The following TNRC6A variants were observed in gnomAD, a reference collection of about 807,000 sequenced individuals.
The protein encoded by TNRC6A is trinucleotide repeat-containing gene 6A protein.
Under a neutral mutation model 221.2 loss-of-function variants are expected in TNRC6A, and 44 were observed. The ratio of observed to expected loss-of-function variants is 0.20; its 90% confidence interval spans 0.16 to 0.26. The LOEUF (loss-of-function observed/expected upper bound fraction) is 0.26, where lower values mean the gene tolerates loss of function less well. Ranked by LOEUF, TNRC6A falls within the 10% of genes least tolerant of loss-of-function variation. The probability of loss-of-function intolerance (pLI) is 1.00; values close to 1 mark genes in which losing one functional copy is unlikely to be tolerated. For synonymous variants in TNRC6A, 847 were observed against 838.5 expected, an observed-to-expected ratio of 1.01 and a Z score of -0.18; for missense variants, 2,199 against 2,404.4, an observed-to-expected ratio of 0.91 and a Z score of 1.79.
At chr16:24,702,830 T>C (rs1297161812) in intron 2 of TNRC6A, among the ~76,000 whole-genome samples, 1 of 151,766 alleles carries the variant, frequency 6.6e-6, no homozygotes, top group East Asian at 1.9e-4. Flanking sequence ...GGTCAGGAGA[T>C]CGAGACCATC....
In TNRC6A at chr16:24,791,692, A is replaced by G. The variant is rs1289348762; in HGVS notation, c.3050A>G (p.Lys1017Arg). ...GGAGATCCAAGCAAATACAACTACA[A>G]AAATGTGAACATGTGGAACAAAAAC... ...AWGDPSKYNYKNVNMWNKNVP... is the reference protein window; with the variant it reads ...AWGDPSKYNYRNVNMWNKNVP... Residue 1017 changes from lysine to arginine, a missense_variant, in exon 6 of 25, where the codon AAA (lysine) becomes AGA (arginine). By Grantham distance (26) the Lys-to-Arg change is conservative (BLOSUM62 2). This residue lies in a region of TNRC6A where 1,405 missense variants were observed against 1,400.2 expected (regional missense o/e 1.00). Transcript: ENST00000395799. The G allele has an allele frequency of 1.2e-6, 2 of 1,613,966 alleles. No homozygotes were observed. The highest frequency in any genetic ancestry group is 1.7e-6 in the Non-Finnish European group (2 of 1,179,946).
intron 6 of TNRC6A, among the ~76,000 whole-genome samples, chr16:24,792,880 C>T (rs2058140090): frequency 6.6e-6 from 1 of 151,286 alleles, no homozygotes; most frequent in South Asian, 2.1e-4. Flanking sequence ...CCTCCACCTC[C>T]CAGGTTCAAG....
At chr16:24,645,766 G>A (rs551440949) in intron 2 of TNRC6A, among the ~76,000 whole-genome samples, 48 of 144,932 alleles carry the variant, frequency 3.3e-4, no homozygotes, top group Admixed American at 6.5e-4. Flanking sequence ...GGAGGCCGAG[G>A]TGGGGAAGAT....
At chr16:24,802,177 G>A (rs1470989655) in intron 11 of TNRC6A, among the ~76,000 whole-genome samples, 1 of 152,208 alleles carries the variant, frequency 6.6e-6, no homozygotes, top group African/African-American at 2.4e-5. Context: ...AACAGCAGTT[G>A]CAAAGAAATG....
intron 2 of TNRC6A, among the ~76,000 whole-genome samples, chr16:24,672,672 G>A (rs1235851032): frequency 6.6e-6 from 1 of 151,754 alleles, no homozygotes; most frequent in Non-Finnish European, 1.5e-5. Flanking sequence ...TCCAACTCCT[G>A]GGCTCAAGTG....
intron 2 of TNRC6A, among the ~76,000 whole-genome samples, chr16:24,649,816 CTTTTTTTTTTTTTT>C (rs35308503): frequency 3.8e-5 from 3 of 78,894 alleles, no homozygotes; most frequent in African/African-American, 1.8e-4. Context: ...CTCTCTCTCT[CTTTTTTTTTTTTTT>C]TTTTTTTTTT....
At chr16:24,637,031 T>C (rs1901671077) in intron 1 of TNRC6A, among the ~76,000 whole-genome samples, 1 of 151,998 alleles carries the variant, frequency 6.6e-6, no homozygotes. Flanking sequence ...TTTTTTTTGT[T>C]TGTTTTTCTT....
At chr16:24,793,946 CA>C (rs2058165428) in intron 7 of TNRC6A, among the ~76,000 whole-genome samples, 1 of 152,174 alleles carries the variant, frequency 6.6e-6, no homozygotes, top group African/African-American at 2.4e-5. Context: ...TAGCAACTTT[CA>C]TGCCATCCAG....
chr16:24,806,811 G>A (rs200481525), intron 17 of TNRC6A, 27 bp downstream of exon 17: 4 of 1,608,414 alleles, frequency 2.5e-6, no homozygotes, highest in Admixed American at 3.3e-5. Context: ...CCCAAGTATT[G>A]GACTGATGCT....
intron 2 of TNRC6A, among the ~76,000 whole-genome samples, chr16:24,746,052 A>G (rs2057003397): frequency 6.6e-6 from 1 of 151,782 alleles, no homozygotes. Flanking sequence ...TTGTGCCCAC[A>G]CCTTTCTGTG....
In TNRC6A at chr16:24,781,043, CTTTTTTTTTTT is replaced by C. The variant is rs35502747; in HGVS notation, c.589+3700_589+3710del. Reference sequence around the variant, plus strand: ...AAAAATTTTCTTAAGCCTCCATACTCTTTTTTTTTTTTTTTTTTTTTTTTTGGAGGAGACAG... The same window carrying C: ...AAAAATTTTCTTAAGCCTCCATACTCTTTTTTTTTTTTTTGGAGGAGACAG... On this transcript the variant is annotated intron_variant, in intron 5 of 24. Transcript: ENST00000395799. Among the ~76,000 whole-genome samples, 48 of 53,436 alleles carry C rather than the reference CTTTTTTTTTTT, an allele frequency of 9.0e-4. 1 individual carries two copies. Among genetic ancestry groups the C allele is most frequent in the South Asian group, 4.6e-3 (5 of 1,082 alleles). 35.1% of individuals were successfully genotyped at this position (53,436 alleles called of 152,430 possible).
chr16:24,814,409 C>CTTTCT (rs1555510325), intron 18 of TNRC6A, among the ~76,000 whole-genome samples: 11 of 116,766 alleles, frequency 9.4e-5, no homozygotes, highest in Non-Finnish European at 1.4e-4. Flanking sequence ...TTTTTTTTTT[C>CTTTCT]TTTTTTTTTT....
chr16:24,717,771 T>TC (rs1567384151), intron 2 of TNRC6A, among the ~76,000 whole-genome samples: 2 of 60,554 alleles, frequency 3.3e-5, no homozygotes, highest in Non-Finnish European at 9.6e-5. Flanking sequence ...TTTTTTTTTC[T>TC]TTTTTTTTTT....
chr16:24,715,392 C>T (rs1188958915), intron 2 of TNRC6A, among the ~76,000 whole-genome samples: 1 of 151,800 alleles, frequency 6.6e-6, no homozygotes, highest in Non-Finnish European at 1.5e-5. Context: ...CCTTTTAAGC[C>T]TTGTTGGGCA....
rs1453894137 is a variant in TNRC6A at position 24,825,801 on chromosome 16, C to T, written c.*1994C>T. ...GACTTGACAGTGTACTAGTGTTAAACTCTCATACCTCTGTTACAAAGCGAG... is the reference window on the plus strand; with the variant it reads ...GACTTGACAGTGTACTAGTGTTAAATTCTCATACCTCTGTTACAAAGCGAG... On this transcript the variant is annotated 3_prime_UTR_variant, in exon 25 of 25. Transcript: ENST00000395799. The T allele has an allele frequency of 1.3e-5, 2 of 152,570 alleles. No individual in the cohort carries two copies. Among genetic ancestry groups the T allele is most frequent in the African/African-American group, 4.8e-5 (2 of 41,412 alleles). The allele number at this position is 152,570 out of a possible 1,614,324, so 9.5% of individuals were successfully genotyped here.
intron 2 of TNRC6A, among the ~76,000 whole-genome samples, chr16:24,642,011 G>T (rs1057021783): frequency 2.0e-5 from 3 of 152,188 alleles, no homozygotes; most frequent in East Asian, 1.9e-4. Context: ...TGATAGGTTG[G>T]GTTTGACTGG....
Position 24,729,703 on chromosome 16 carries a change from C to G in TNRC6A, c.-139C>G. The G allele has an allele frequency of 9.6e-7, 1 of 1,041,492 alleles. No homozygotes were observed. Among genetic ancestry groups the G allele is most frequent in the South Asian group, 3.2e-5 (1 of 31,712 alleles). 64.5% of individuals were successfully genotyped at this position (1,041,492 alleles called of 1,614,324 possible). Reference sequence around the variant, plus strand: ...GCGGTGTCGGCGGCGGCGGCGGCGGCGGCGGCGGCGGCGGCAGCGGGTCGG... The same window carrying G: ...GCGGTGTCGGCGGCGGCGGCGGCGGGGGCGGCGGCGGCGGCAGCGGGTCGG... On this transcript the variant is annotated 5_prime_UTR_variant, in exon 1 of 25. Coordinates refer to ENST00000395799, the MANE Select transcript of TNRC6A (RefSeq NM_014494.4).
At chr16:24,745,467 A>G (rs774460521) in intron 2 of TNRC6A, among the ~76,000 whole-genome samples, 2 of 152,222 alleles carry the variant, frequency 1.3e-5, no homozygotes, top group Non-Finnish European at 2.9e-5. Flanking sequence ...AAGTAGGAGA[A>G]CAGAATGTTT....
intron 5 of TNRC6A, among the ~76,000 whole-genome samples, chr16:24,779,733 C>T (rs1415819856): frequency 6.6e-6 from 1 of 152,084 alleles, no homozygotes; most frequent in East Asian, 1.9e-4. Flanking sequence ...TGCACAGTAG[C>T]CCAGAAACAC....
Sources: allele counts gnomAD v4.1 joint callset (sites outside exome capture counted in the v4.1 genomes callset), GRCh38; gene constraint gnomAD v4.1.1; regional missense constraint gnomAD v4.1.1; transcripts MANE v1.5; gene names NCBI Gene and HGNC (gene_info 2026-07-23, HGNC 2026-07-21).